The following NEMP2 variants were observed in gnomAD, a reference collection of about 807,000 sequenced individuals.
NEMP2 encodes UPF0571 transmembrane protein.
Under a neutral mutation model 54.2 loss-of-function variants are expected in NEMP2, and 53 were observed. The ratio of observed to expected loss-of-function variants is 0.98; its 90% CI spans 0.78 to 1.23. The LOEUF is 1.23. NEMP2 is among the 50% of genes most tolerant of loss of function. The probability of loss-of-function intolerance (pLI) is 0.00; values close to 1 mark genes in which losing one functional copy is unlikely to be tolerated. For synonymous variants in NEMP2, 197 were observed against 190.3 expected (o/e 1.04, Z -0.29); for missense variants, 455 against 511.3 (o/e 0.89, Z 1.06).
chr2:190,577,177 T>C, the NEMP2 span, among the ~76,000 whole-genome samples: 8 of 152,254 alleles, frequency 5.3e-5, no homozygotes, highest in Admixed American at 2.6e-4. This position sits in a 1 kb window ranked among gnomAD's most constrained non-coding sequence, Gnocchi z 4.8. Flanking sequence ...TGGAGCCAGA[T>C]TGTTAGGTTT....
chr2:190,498,283 G>A, the NEMP2 span, among the ~76,000 whole-genome samples: 1 of 152,192 alleles, frequency 6.6e-6, no homozygotes, highest in Non-Finnish European at 1.5e-5. The surrounding 1 kb of genome is among the most constrained non-coding windows in gnomAD (Gnocchi z 5.9). Context: ...TTGTACAGGT[G>A]TATCCCGACT....
the NEMP2 span, among the ~76,000 whole-genome samples, chr2:190,490,019 T>C: frequency 6.6e-6 from 1 of 152,194 alleles, no homozygotes; most frequent in South Asian, 2.1e-4. The surrounding 1 kb of genome is among the most constrained non-coding windows in gnomAD (Gnocchi z 4.5). Context: ...ATGTGGACTA[T>C]TGTTAAAGAG....
the NEMP2 span, chr2:190,609,800 A>C: frequency 2.6e-5 from 4 of 152,196 alleles, no homozygotes; most frequent in Non-Finnish European, 4.4e-5. The surrounding 1 kb of genome is among the most constrained non-coding windows in gnomAD (Gnocchi z 4.7). Flanking sequence ...CTGCTGAGAG[A>C]GGGTCATCAT....
At chr2:190,637,424 G>A in the NEMP2 span, among the ~76,000 whole-genome samples, 3 of 152,318 alleles carry the variant, frequency 2.0e-5, no homozygotes, top group East Asian at 5.8e-4. This position sits in a 1 kb window ranked among gnomAD's most constrained non-coding sequence, Gnocchi z 4.5. Context: ...ACTGCTTAGC[G>A]TGTCAGAGGT....
the NEMP2 span, among the ~76,000 whole-genome samples, chr2:190,549,940 A>G: frequency 6.6e-6 from 1 of 152,240 alleles, no homozygotes; most frequent in Non-Finnish European, 1.5e-5. Context: ...TTTCAGTAGC[A>G]GAACTAGAAA....
At position 190,510,593 on chromosome 2, in the gene NEMP2, C is replaced by T. The variant is rs1690326166; in HGVS notation, c.954-56G>A. The T allele has an allele frequency of 5.2e-6, 8 of 1,536,294 alleles. No individual in the cohort carries two copies. The highest frequency in any genetic ancestry group is 4.8e-5 in the South Asian group (4 of 83,562). On this transcript the variant is annotated intron_variant, in intron 7 of 8. Coordinates refer to ENST00000409150, the MANE Select transcript of NEMP2 (RefSeq NM_001142645.2). The surrounding 1 kb of genome is among the most constrained non-coding windows in gnomAD (Gnocchi z 5.7). ...TTCCTAATTCAATCCTTAAGATTTA[C>T]AAAAATAGGCCAGGCTCGGTGGCTC...
chr2:190,631,889 C>T, the NEMP2 span, among the ~76,000 whole-genome samples: 1 of 152,004 alleles, frequency 6.6e-6, no homozygotes, highest in Admixed American at 6.6e-5. Context: ...AACCCCATCT[C>T]TACTAAAAAT....
chr2:190,441,489 T>C, the NEMP2 span, among the ~76,000 whole-genome samples: 1 of 150,258 alleles, frequency 6.7e-6, no homozygotes, highest in Non-Finnish European at 1.5e-5. Flanking sequence ...GGGGCGGGGG[T>C]TGGGGGGAAA....
At chr2:190,538,550 C>T (rs552977360), upstream of NEMP2, among the ~76,000 whole-genome samples, 1 of 151,952 alleles carries the variant, frequency 6.6e-6, no homozygotes, top group East Asian at 1.9e-4. This position sits in a 1 kb window ranked among gnomAD's most constrained non-coding sequence, Gnocchi z 4.1. Context: ...ATATAGTTCC[C>T]ATAGAGGCTG....
chr2:190,622,657 T>A, the NEMP2 span, among the ~76,000 whole-genome samples: 2 of 152,142 alleles, frequency 1.3e-5, no homozygotes, highest in Non-Finnish European at 2.9e-5. Flanking sequence ...AAATCGGACA[T>A]CATCACCATA....
chr2:190,534,177 TACTGTAC>T (rs970531004), intron 1 of NEMP2: 48 of 1,028,090 alleles, frequency 4.7e-5, no homozygotes, highest in Non-Finnish European at 1.9e-5. Context: ...CGCATTGATG[TACTGTAC>T]AAAAGGCCGT....
At chr2:190,594,790 AAGGAG>A in the NEMP2 span, among the ~76,000 whole-genome samples, 1 of 152,218 alleles carries the variant, frequency 6.6e-6, no homozygotes, top group Non-Finnish European at 1.5e-5. The surrounding 1 kb of genome is among the most constrained non-coding windows in gnomAD (Gnocchi z 5.6). Flanking sequence ...TCAGAGGGAC[AAGGAG>A]TACCATCTGA....
rs1403653671 is a variant in NEMP2, at chr2:190,522,408, A to G, written c.213+2855T>C. 2.0e-5 allele frequency among the ~76,000 whole-genome samples: 3 copies of G among 152,216 alleles called. No homozygotes were observed. The highest frequency in any genetic ancestry group is 4.4e-5 in the Non-Finnish European group (3 of 68,030). ...AAGAAGGTTTTTTTTAAAAAAACAA[A>G]ATCTCACTTAAAAAACCCACTATGA... is the stretch of plus-strand genomic sequence containing the variant. On this transcript the variant is annotated intron_variant, in intron 2 of 8. Transcript: ENST00000409150. The surrounding 1 kb of genome is among the most constrained non-coding windows in gnomAD (Gnocchi z 5.0).
the NEMP2 span, chr2:190,610,023 G>A: frequency 6.6e-6 from 1 of 152,076 alleles, no homozygotes; most frequent in Non-Finnish European, 1.5e-5. The surrounding 1 kb of genome is among the most constrained non-coding windows in gnomAD (Gnocchi z 5.4). Flanking sequence ...AAGAATGGGG[G>A]AAAAGGAAAA....
Position 190,521,576 on chromosome 2 carries a change from G to A in NEMP2, c.214-2393C>T, listed in dbSNP as rs1449361688. On this transcript the variant is annotated intron_variant, in intron 2 of 8. Coordinates refer to ENST00000409150, the MANE Select transcript of NEMP2 (RefSeq NM_001142645.2). This position sits in a 1 kb window ranked among gnomAD's most constrained non-coding sequence, Gnocchi z 6.2. ...ACTACCACCCATTTCTTTGCTTCTT[G>A]TTGCAATAAAATTCCTTTAAAAAGC... 1.3e-5 allele frequency among the ~76,000 whole-genome samples: 2 copies of A among 152,098 alleles called. No individual in the cohort carries two copies. Among genetic ancestry groups the A allele is most frequent in the Admixed American group, 6.5e-5 (1 of 15,270 alleles).
chr2:190,492,967 T>TA, the NEMP2 span, among the ~76,000 whole-genome samples: 6 of 149,730 alleles, frequency 4.0e-5, no homozygotes, highest in Non-Finnish European at 6.0e-5. The surrounding 1 kb of genome is among the most constrained non-coding windows in gnomAD (Gnocchi z 5.2). Context: ...AAAATACAAT[T>TA]AAAAAAAAAA....
At position 190,533,790 on chromosome 2, in the gene NEMP2, CAG is replaced by C. The variant is rs373489120; in HGVS notation, c.97+767_97+768del. On this transcript the variant is annotated intron_variant, in intron 1 of 8. Coordinates refer to ENST00000409150, the MANE Select transcript of NEMP2 (RefSeq NM_001142645.2). The surrounding 1 kb of genome is among the most constrained non-coding windows in gnomAD (Gnocchi z 4.3). ...TTATGAGGGGAAAAAAAAAAAGAAACAGAAATGTGAAGCTCATGGTAAGTTAG... is the reference window on the plus strand; with the variant it reads ...TTATGAGGGGAAAAAAAAAAAGAAACAAATGTGAAGCTCATGGTAAGTTAG... Among the ~76,000 whole-genome samples the C allele has an allele frequency of 8.0e-3, 1,214 of 151,194 alleles. 21 individuals are homozygous for C. The highest frequency in any genetic ancestry group is 0.027 in the African/African-American group (1,100 of 41,222).
Position 190,512,187 on chromosome 2 carries a change from A to G in NEMP2, c.954-1650T>C, listed in dbSNP as rs1690390290. Reference sequence around the variant, plus strand: ...GTCCTGGCTTTGAGATTTATTCACTATATGAACTTGGGGAATTCCTTAACA... The same window carrying G: ...GTCCTGGCTTTGAGATTTATTCACTGTATGAACTTGGGGAATTCCTTAACA... On this transcript the variant is annotated intron_variant, in intron 7 of 8. Coordinates refer to ENST00000409150, the MANE Select transcript of NEMP2 (RefSeq NM_001142645.2). This position sits in a 1 kb window ranked among gnomAD's most constrained non-coding sequence, Gnocchi z 4.5. Among the ~76,000 whole-genome samples, 1 of 152,152 alleles carries G rather than the reference A, an allele frequency of 6.6e-6. No homozygotes were observed. Among genetic ancestry groups the G allele is most frequent in the African/African-American group, 2.4e-5 (1 of 41,450 alleles).
chr2:190,428,625 G>A, the NEMP2 span, among the ~76,000 whole-genome samples: 3 of 151,942 alleles, frequency 2.0e-5, no homozygotes, highest in African/African-American at 7.3e-5. Flanking sequence ...TGAGTATCAT[G>A]TTGGCACTCA....
Sources: gnomAD v4.1 joint callset for allele counts (sites outside exome capture counted in the v4.1 genomes callset) on GRCh38, gnomAD v4.1.1 for gene constraint, Gnocchi (gnomAD v3.1) non-coding constraint, MANE v1.5 for transcripts, NCBI Gene and HGNC (gene_info 2026-07-23, HGNC 2026-07-21) for gene names.